NAALADL2: variants seen among roughly 807,000 people sequenced by gnomAD.
The protein encoded by NAALADL2 is inactive N-acetylated-alpha-linked acidic dipeptidase-like protein 2.
A neutral mutation model predicts 87.2 loss-of-function variants in NAALADL2; 76 were observed. That is an observed-to-expected ratio of 0.87 (90% CI 0.72 to 1.05). The LOEUF (loss-of-function observed/expected upper bound fraction) is 1.05, where lower values mean the gene tolerates loss of function less well. Among genes scored for constraint, NAALADL2 ranks in the 50% least tolerant of loss-of-function variants. The pLI is 0.00. For synonymous variants in NAALADL2, 354 were observed against 331.0 expected, an observed-to-expected ratio of 1.07 and a Z score of -0.75; for missense variants, 1,089 against 945.8, an observed-to-expected ratio of 1.15 and a Z score of -1.99.
intron 1 of NAALADL2, among the ~76,000 whole-genome samples, chr3:174,887,147 G>C (rs905777231): frequency 1.3e-5 from 2 of 152,110 alleles, no homozygotes; most frequent in Admixed American, 6.6e-5. Context: ...TTTTGCTGCT[G>C]TCCTAGATGG....
intron 2 of NAALADL2, among the ~76,000 whole-genome samples, chr3:175,173,987 C>T (rs1580791368): frequency 2.0e-5 from 3 of 151,680 alleles, no homozygotes; most frequent in Admixed American, 6.6e-5. Flanking sequence ...AACTTTGGTC[C>T]TCCAGTTGTA....
Position 175,803,388 on chromosome 3 carries a change from C to G in NAALADL2, c.*185C>G. ...AACATTTTGCACATTTAATATTTTTCTTATATCTACATTTCTGAATATGTA... is the reference window on the plus strand; with the variant it reads ...AACATTTTGCACATTTAATATTTTTGTTATATCTACATTTCTGAATATGTA... On this transcript the variant is annotated 3_prime_UTR_variant, in exon 14 of 14. Coordinates refer to ENST00000454872, the MANE Select transcript of NAALADL2 (RefSeq NM_207015.3). 2.5e-6 allele frequency: 1 copy of G among 407,532 alleles called. No homozygotes were observed. The highest frequency in any genetic ancestry group is 4.3e-6 in the Non-Finnish European group (1 of 230,330). The allele number at this position is 407,532 out of a possible 1,614,324, so 25.2% of individuals were successfully genotyped here.
intron 1 of NAALADL2, among the ~76,000 whole-genome samples, chr3:174,967,663 AAG>A (rs1743076197): frequency 6.6e-6 from 1 of 152,170 alleles, no homozygotes; most frequent in Non-Finnish European, 1.5e-5. Context: ...AGGCTGTGTA[AAG>A]AGAGAAAGGG....
At chr3:175,218,174 T>G (rs1742839070) in intron 2 of NAALADL2, 1 of 409,850 alleles carries the variant, frequency 2.4e-6, no homozygotes, top group East Asian at 7.3e-5. Flanking sequence ...CACAATAATC[T>G]TATTCAAGTT....
In NAALADL2 at chr3:174,490,756, C is replaced by G. The variant is rs570799485; in HGVS notation, c.-184+49724C>G. Reference sequence around the variant, plus strand: ...GGGAAGAGCCTTTCTATTCAAAGAGCGCTCCTTTGAAAGCCTTTGGGTATT... The same window carrying G: ...GGGAAGAGCCTTTCTATTCAAAGAGGGCTCCTTTGAAAGCCTTTGGGTATT... On this transcript the variant is annotated intron_variant, in intron 1 of 3. Transcript: ENST00000434257. 1.1e-4 allele frequency among the ~76,000 whole-genome samples: 17 copies of G among 152,022 alleles called. No homozygotes were observed. The East Asian group carries it at 3.1e-3, about 28-fold the overall frequency.
intron 5 of NAALADL2, among the ~76,000 whole-genome samples, chr3:175,407,090 A>C (rs1485492685): frequency 6.6e-6 from 1 of 152,134 alleles, no homozygotes; most frequent in Non-Finnish European, 1.5e-5. Flanking sequence ...AGGCTGAGGC[A>C]GGAGAATCGC....
intron 2 of NAALADL2, among the ~76,000 whole-genome samples, chr3:175,207,824 C>T (rs541189530): frequency 7.9e-5 from 12 of 152,208 alleles, no homozygotes; most frequent in African/African-American, 2.9e-4. Context: ...AATGCACTGA[C>T]AGAGCAGTGA....
intron 3 of NAALADL2, among the ~76,000 whole-genome samples, chr3:174,820,433 A>T (rs1721291279): frequency 6.6e-6 from 1 of 152,210 alleles, no homozygotes; most frequent in African/African-American, 2.4e-5. Flanking sequence ...CAAAAAATAT[A>T]ATTTATCAGA....
rs1175118946 is a variant in NAALADL2, at chr3:175,467,177, G to A, written c.1526G>A (p.Trp509Ter). Residue 509 changes from tryptophan (W) to a stop codon, truncating the protein, a stop_gained, in exon 8 of 14, where the codon TGG becomes TAG. Transcript: ENST00000454872. LOFTEE classifies it high-confidence loss of function. ...TAFGNIGSYE[W>*]GEDFKKVLQK... ...TTTGGCAATATTGGCTCATATGAAT[G>A]GGGAGAGGTAAAGCAAAATATACAT... The A allele has an allele frequency of 1.9e-6, 3 of 1,612,932 alleles. No homozygotes were observed. In the East Asian group the frequency reaches 6.7e-5, roughly 36 times the overall value.
intron 3 of NAALADL2, among the ~76,000 whole-genome samples, chr3:174,850,040 C>T (rs2109469902): frequency 6.6e-6 from 1 of 152,222 alleles, no homozygotes; most frequent in East Asian, 1.9e-4. Flanking sequence ...ACATACATTT[C>T]TTTCAGAGTG....
intron 9 of NAALADL2, chr3:175,487,528 G>T (rs773611085): frequency 6.6e-6 from 3 of 456,584 alleles, no homozygotes; most frequent in South Asian, 4.6e-5. Flanking sequence ...CTTCCTCCAG[G>T]AACCTTAGTT....
At chr3:174,712,337 G>A (rs1211369370) in intron 2 of NAALADL2, among the ~76,000 whole-genome samples, 1 of 148,228 alleles carries the variant, frequency 6.7e-6, no homozygotes, top group East Asian at 2.0e-4. Flanking sequence ...TTCAAGAAAG[G>A]TCTACTCATA....
intron 10 of NAALADL2, among the ~76,000 whole-genome samples, chr3:175,593,994 T>A (rs1052558065): frequency 1.3e-3 from 185 of 142,652 alleles, no homozygotes; most frequent in African/African-American, 4.4e-3. Flanking sequence ...TTTTTTTTTT[T>A]AATTTCAACT....
At chr3:175,499,714 G>A (rs1729284773) in intron 9 of NAALADL2, among the ~76,000 whole-genome samples, 2 of 151,936 alleles carry the variant, frequency 1.3e-5, no homozygotes, top group African/African-American at 4.8e-5. Flanking sequence ...ATTTAATTTT[G>A]CCAATTTCAT....
intron 9 of NAALADL2, among the ~76,000 whole-genome samples, chr3:175,505,808 C>T (rs569911483): frequency 4.9e-4 from 74 of 152,256 alleles, no homozygotes; most frequent in African/African-American, 1.6e-3. Context: ...AGAGTAAGAA[C>T]TATAAGAGGT....
intron 1 of NAALADL2, among the ~76,000 whole-genome samples, chr3:175,068,061 G>A (rs1451583160): frequency 1.3e-5 from 2 of 152,022 alleles, no homozygotes; most frequent in Admixed American, 1.3e-4. Context: ...AATAAAGATG[G>A]GAATGAGAGA....
intron 1 of NAALADL2, among the ~76,000 whole-genome samples, chr3:174,452,020 T>A (rs921914433): frequency 5.5e-5 from 8 of 144,736 alleles, no homozygotes; most frequent in African/African-American, 1.5e-4. Context: ...TTTTTTTTTT[T>A]AAACTAGAGG....
intron 5 of NAALADL2, among the ~76,000 whole-genome samples, chr3:175,352,263 T>A (rs1465059438): frequency 6.6e-6 from 1 of 151,906 alleles, no homozygotes; most frequent in Admixed American, 6.6e-5. Context: ...AGATATCACC[T>A]GGGCTTTCTT....
chr3:174,516,866 A>C (rs187984124), intron 1 of NAALADL2, among the ~76,000 whole-genome samples: 3 of 152,124 alleles, frequency 2.0e-5, no homozygotes, highest in African/African-American at 7.2e-5. Context: ...GTTGTTATAT[A>C]TACAAAGAAT....
Sources: allele counts gnomAD v4.1 joint callset (sites outside exome capture counted in the v4.1 genomes callset), GRCh38; gene constraint gnomAD v4.1.1; transcripts MANE v1.5; gene names NCBI Gene and HGNC (gene_info 2026-07-23, HGNC 2026-07-21).